The following TBC1D14 variants were observed in gnomAD, a reference collection of about 807,000 sequenced individuals.
The protein encoded by TBC1D14 is TBC1 domain family, member 14.
TBC1D14 carries 26 observed loss-of-function variants against 79.0 expected under a neutral mutation model. That is an observed-to-expected ratio of 0.33 (90% CI 0.24 to 0.46). The LOEUF (loss-of-function observed/expected upper bound fraction) is 0.46, where lower values mean the gene tolerates loss of function less well. Ranked by LOEUF, TBC1D14 falls within the 20% of genes least tolerant of loss-of-function variation. TBC1D14 has a pLI of 1.00. For missense variants in TBC1D14, 769 were observed against 887.6 expected, an observed-to-expected ratio of 0.87 and a Z score of 1.70; for synonymous variants, 394 against 349.9, an observed-to-expected ratio of 1.13 and a Z score of -1.40.
intron 3 of TBC1D14, among the ~76,000 whole-genome samples, chr4:6,984,989 C>A (rs1331637435): frequency 6.6e-6 from 1 of 152,154 alleles, no homozygotes; most frequent in Non-Finnish European, 1.5e-5. Flanking sequence ...GAGAAAAGCC[C>A]CTGGGAGCTT....
At chr4:6,965,170 TTTG>T (rs869212017) in intron 2 of TBC1D14, among the ~76,000 whole-genome samples, 30 of 12,740 alleles carry the variant, frequency 2.4e-3, no homozygotes, top group East Asian at 0.011. Context: ...CTTTTTTTTT[TTTG>T]GCGATAGAGT....
chr4:6,923,814 G>C lies in TBC1D14; in HGVS notation c.425G>C (p.Ser142Thr). 3 of 1,614,154 alleles carry C rather than the reference G, an allele frequency of 1.9e-6. No homozygotes were observed. The highest frequency in any genetic ancestry group is 2.5e-6 in the Non-Finnish European group (3 of 1,180,044). ...GGCTATGACTCGGTAAAGCTCTATA[G>C]CCCGACCTCCAAAGCCCTGACCCGC... is the stretch of plus-strand genomic sequence containing the variant. ...RTGYDSVKLY[S>T]PTSKALTRSD... Residue 142 changes from serine (S) to threonine (T), a missense_variant, in exon 2 of 14, where the codon AGC becomes ACC. Physicochemically the swap from Ser to Thr is moderately conservative, Grantham distance 58. Transcript: ENST00000409757.
intron 2 of TBC1D14, among the ~76,000 whole-genome samples, chr4:6,931,825 G>A (rs189436935): frequency 6.6e-6 from 1 of 152,170 alleles, no homozygotes; most frequent in Non-Finnish European, 1.5e-5. Context: ...ACTGTTCTAG[G>A]TGCTTGGGAT....
chr4:7,010,612 T>C, intron 10 of TBC1D14, 41 bp from the exon 11 acceptor site: 1 of 1,601,136 alleles, frequency 6.2e-7, no homozygotes, highest in Non-Finnish European at 8.5e-7. Flanking sequence ...GGTGACCCTG[T>C]GGCCACTGTG....
chr4:6,961,388 C>T (rs1715176171), intron 2 of TBC1D14, among the ~76,000 whole-genome samples: 1 of 148,810 alleles, frequency 6.7e-6, no homozygotes, highest in African/African-American at 2.6e-5. Flanking sequence ...TCAACTGTGA[C>T]CCCCCAAATC....
Position 6,924,013 on chromosome 4 carries a change from C to T in TBC1D14, c.624C>T (p.Ile208=), listed in dbSNP as rs1311407118. The change falls in exon 2 of 14, where the codon ATC becomes ATT. Residue 208 remains isoleucine, a synonymous_variant. Coordinates refer to ENST00000409757, the MANE Select transcript of TBC1D14 (RefSeq NM_020773.3). The part of the protein sequence containing the change: ...PQFTNVTLSS[I]KETRGLHQQD... ...TTACCAACGTCACCTTGAGCTCTAT[C>T]AAGGAAACCCGTGGCTTACACCAGC... 1 of 1,614,130 alleles carries T rather than the reference C, an allele frequency of 6.2e-7. No homozygotes were observed. The highest frequency in any genetic ancestry group is 1.1e-5 in the South Asian group (1 of 91,078).
At chr4:7,025,724 G>A (rs959858788) in intron 13 of TBC1D14, among the ~76,000 whole-genome samples, 1 of 152,238 alleles carries the variant, frequency 6.6e-6, no homozygotes, top group Non-Finnish European at 1.5e-5. Context: ...AACAAAGGGA[G>A]GCCCAGAGAG....
chr4:6,994,495 A>G (rs756948040), intron 4 of TBC1D14, among the ~76,000 whole-genome samples, 193 bp downstream of exon 4: 1 of 152,238 alleles, frequency 6.6e-6, no homozygotes, highest in Non-Finnish European at 1.5e-5. Context: ...GTCCTATAGC[A>G]TAGAAGTTTT....
chr4:6,982,347 G>A (rs576858034), intron 3 of TBC1D14, among the ~76,000 whole-genome samples: 1 of 152,264 alleles, frequency 6.6e-6, no homozygotes, highest in South Asian at 2.1e-4. Context: ...AGTCAGTCTC[G>A]AAAGTTTGCG....
In TBC1D14 at chr4:7,009,938, A is replaced by C; in HGVS notation, c.1508A>C (p.Asp503Ala). The change falls in exon 10 of 14, where the codon GAT becomes GCT. Residue 503 changes from aspartate to alanine, a missense_variant. Transcript: ENST00000409757. ...GGCGCTTATACTTGTTACCGGCCAGATGTGGGTTATGTAAGTGAAGTTTCT... is the reference window on the plus strand; with the variant it reads ...GGCGCTTATACTTGTTACCGGCCAGCTGTGGGTTATGTAAGTGAAGTTTCT... ...ILGAYTCYRP[D>A]VGYVQGMSFI... The C allele has an allele frequency of 6.2e-7, 1 of 1,614,190 alleles. No individual in the cohort carries two copies. Among genetic ancestry groups the C allele is most frequent in the Non-Finnish European group, 8.5e-7 (1 of 1,180,030 alleles).
At chr4:7,025,435 G>A (rs1722265767) in intron 13 of TBC1D14, among the ~76,000 whole-genome samples, 173 bp downstream of exon 13, 3 of 152,150 alleles carry the variant, frequency 2.0e-5, no homozygotes, top group African/African-American at 7.2e-5. Flanking sequence ...CGTCTCGGCG[G>A]GTCGCCTCCT....
chr4:7,009,145 C>T (rs1014404629), intron 9 of TBC1D14, among the ~76,000 whole-genome samples: 1 of 152,174 alleles, frequency 6.6e-6, no homozygotes, highest in African/African-American at 2.4e-5. Context: ...ATTTTTATTC[C>T]TTGTGTTAAA....
intron 3 of TBC1D14, among the ~76,000 whole-genome samples, chr4:6,976,276 T>A (rs772315742): frequency 2.0e-5 from 3 of 152,152 alleles, no homozygotes; most frequent in Non-Finnish European, 2.9e-5. Context: ...GATGGCTGAA[T>A]ATCTCCCACA....
chr4:6,966,296 CATTT>C (rs2109045842), intron 2 of TBC1D14, among the ~76,000 whole-genome samples: 1 of 152,220 alleles, frequency 6.6e-6, no homozygotes, highest in African/African-American at 2.4e-5. Context: ...TCCTGGAAGC[CATTT>C]GTTTTTAATG....
intron 2 of TBC1D14, among the ~76,000 whole-genome samples, chr4:6,951,077 G>A (rs1577075158): frequency 6.6e-6 from 1 of 152,146 alleles, no homozygotes; most frequent in South Asian, 2.1e-4. Flanking sequence ...ATCAACTGAG[G>A]TCTGGAGTTT....
intron 12 of TBC1D14, among the ~76,000 whole-genome samples, chr4:7,018,042 G>A (rs1465650479): frequency 6.6e-6 from 1 of 152,154 alleles, no homozygotes; most frequent in African/African-American, 2.4e-5. Flanking sequence ...TTCAGGAGCA[G>A]GTGTACCTAT....
In TBC1D14 at chr4:6,923,418, C is replaced by G. The variant is rs776737971; in HGVS notation, c.29C>G (p.Thr10Arg). Residue 10 changes from threonine (T) to arginine (R), a missense_variant, in exon 2 of 14, where the codon ACA becomes AGA. Physicochemically the swap from Thr to Arg is moderately conservative, Grantham distance 71. This residue lies in a region of TBC1D14 where 402 missense variants were observed against 393.2 expected (regional missense o/e 1.02). Transcript: ENST00000409757. MTDGKLSTS[T>R]NGVAFMGILD... is the part of the protein sequence containing the mutation. ...ACTGATGGAAAACTCTCCACCTCTA[C>G]AAATGGCGTAGCCTTCATGGGTATT... 1 of 1,612,320 alleles carries G rather than the reference C, an allele frequency of 6.2e-7. No individual in the cohort carries two copies. Among genetic ancestry groups the G allele is most frequent in the Non-Finnish European group, 8.5e-7 (1 of 1,178,760 alleles).
At chr4:6,947,006 G>T (rs142297116) in intron 2 of TBC1D14, among the ~76,000 whole-genome samples, 5 of 152,164 alleles carry the variant, frequency 3.3e-5, no homozygotes, top group African/African-American at 1.2e-4. Flanking sequence ...ATTTTTCTTA[G>T]TACTGTTTTG....
chr4:6,921,618 TG>T (rs1223812781), intron 1 of TBC1D14, among the ~76,000 whole-genome samples: 1 of 151,740 alleles, frequency 6.6e-6, no homozygotes, highest in Non-Finnish European at 1.5e-5. Flanking sequence ...CTCCACCTCC[TG>T]GGTTCAAGTG....
Sources: allele counts gnomAD v4.1 joint callset (sites outside exome capture counted in the v4.1 genomes callset), GRCh38; gene constraint gnomAD v4.1.1; regional missense constraint gnomAD v4.1.1; transcripts MANE v1.5; gene names NCBI Gene and HGNC (gene_info 2026-07-23, HGNC 2026-07-21).